Variants in RCOR3 observed in about 807,000 individuals in gnomAD.
RCOR3 encodes the protein REST corepressor 3.
A neutral mutation model predicts 64.1 loss-of-function variants in RCOR3; 13 were observed. The ratio of observed to expected loss-of-function variants is 0.20; its 90% confidence interval spans 0.13 to 0.32. The LOEUF (loss-of-function observed/expected upper bound fraction) is 0.32. Among genes scored for constraint, RCOR3 ranks in the 10% least tolerant of loss-of-function variants. The probability of loss-of-function intolerance (pLI) is 1.00; values close to 1 mark genes in which losing one functional copy is unlikely to be tolerated. For missense variants in RCOR3, 489 were observed against 701.2 expected (o/e 0.70, Z 3.42); for synonymous variants, 215 against 239.0 (o/e 0.90, Z 0.93).
chr1:211,285,892 T>C (rs6540676), intron 7 of RCOR3, among the ~76,000 whole-genome samples: 145,613 of 152,280 alleles, frequency 0.96, 69,685 homozygotes, highest in East Asian at 1. Flanking sequence ...TGTTTTATCT[T>C]GCTGCTGAAT....
At chr1:211,291,878 G>A (rs1320982092) in intron 8 of RCOR3, among the ~76,000 whole-genome samples, 1 of 152,084 alleles carries the variant, frequency 6.6e-6, no homozygotes, top group Non-Finnish European at 1.5e-5. Flanking sequence ...CAACACTTTG[G>A]GAGGCCAAGA....
chr1:211,295,605 C>T (rs1008006166), intron 8 of RCOR3, 71 bp from the exon 9 acceptor site: 1 of 1,240,976 alleles, frequency 8.1e-7, no homozygotes, highest in Non-Finnish European at 1.2e-6. Flanking sequence ...ATATTCTTTT[C>T]ACTTAATTGA....
intron 2 of RCOR3, among the ~76,000 whole-genome samples, chr1:211,267,490 T>A (rs1264109755): frequency 4.6e-5 from 7 of 152,240 alleles, no homozygotes; most frequent in Non-Finnish European, 1.0e-4. Context: ...CTCCTCTATC[T>A]ACCTGCTCAC....
chr1:211,286,425 A>G (rs1698546317), intron 7 of RCOR3, among the ~76,000 whole-genome samples: 1 of 151,478 alleles, frequency 6.6e-6, no homozygotes, highest in South Asian at 2.1e-4. Context: ...CTCCTGCCTC[A>G]GCCTCCTGAG....
rs777292881 is a variant in RCOR3, at chr1:211,312,911, A to G, written c.1267A>G (p.Lys423Glu). The G allele has an allele frequency of 6.2e-7, 1 of 1,614,218 alleles. No homozygotes were observed. The highest frequency in any genetic ancestry group is 1.1e-5 in the South Asian group (1 of 91,086). Residue 423 changes from lysine (K) to glutamate (E), a missense_variant, in exon 11 of 12, where the codon AAA (lysine) becomes GAA (glutamate). By Grantham distance (56) the Lys-to-Glu change is moderately conservative. Coordinates refer to ENST00000419091, the MANE Select transcript of RCOR3 (RefSeq NM_001136223.3). The surrounding 1 kb of genome is among the most constrained non-coding windows in gnomAD (Gnocchi z 5.0). ...GDASTLGEETKSASNVPSGKS... is the reference protein window; with the variant it reads ...GDASTLGEETESASNVPSGKS... ...TGCTTCTACTTTAGGGGAGGAGACA[A>G]AAAGTGCTTCTAATGTGCCATCAGG...
chr1:211,287,879 T>G (rs1374938977), intron 7 of RCOR3, among the ~76,000 whole-genome samples: 1 of 151,636 alleles, frequency 6.6e-6, no homozygotes, highest in Admixed American at 6.6e-5. Context: ...AATTTTTTTT[T>G]GTTAACGAAT....
chr1:211,287,462 A>C (rs1698686848), intron 7 of RCOR3, among the ~76,000 whole-genome samples: 1 of 152,178 alleles, frequency 6.6e-6, no homozygotes. Context: ...AGTGAATGTT[A>C]AAAGACTTTA....
At chr1:211,284,177 CTGAG>C (rs1396900733) in intron 7 of RCOR3, among the ~76,000 whole-genome samples, 14 of 151,936 alleles carry the variant, frequency 9.2e-5, no homozygotes, top group Admixed American at 9.2e-4. Context: ...CCTCAGCCTC[CTGAG>C]TAACTGGGAC....
chr1:211,308,901 TG>T (rs950367616), intron 10 of RCOR3, among the ~76,000 whole-genome samples: 7 of 151,586 alleles, frequency 4.6e-5, no homozygotes, highest in African/African-American at 1.7e-4. Context: ...TAGTAGAAAC[TG>T]GGTTTTACCA....
chr1:211,298,678 C>T (rs1036759239), intron 9 of RCOR3, among the ~76,000 whole-genome samples: 1 of 152,058 alleles, frequency 6.6e-6, no homozygotes, highest in Non-Finnish European at 1.5e-5. Flanking sequence ...TGATAGACAT[C>T]AGTGGGCAGG....
At chr1:211,281,520 A>G (rs1697806058) in intron 7 of RCOR3, among the ~76,000 whole-genome samples, 1 of 152,126 alleles carries the variant, frequency 6.6e-6, no homozygotes, top group African/African-American at 2.4e-5. Context: ...AATCCTTTGT[A>G]AAGTTGCTGA....
chr1:211,284,095 C>T (rs1032633435), intron 7 of RCOR3, among the ~76,000 whole-genome samples: 1 of 151,422 alleles, frequency 6.6e-6, no homozygotes, highest in African/African-American at 2.4e-5. Context: ...GCTCTGTCGC[C>T]CAGGCTGGAG....
intron 7 of RCOR3, among the ~76,000 whole-genome samples, chr1:211,283,725 C>T (rs1441133995): frequency 6.6e-6 from 1 of 151,816 alleles, no homozygotes; most frequent in Non-Finnish European, 1.5e-5. Flanking sequence ...GCCACTGCAG[C>T]CTCAAACTTC....
intron 5 of RCOR3, 85 bp from the exon 6 acceptor site, chr1:211,278,032 C>T (rs759103462): frequency 2.1e-5 from 26 of 1,241,950 alleles, no homozygotes; most frequent in Middle Eastern, 2.0e-4. Context: ...TTTATTATGC[C>T]TTTACTAAAT....
chr1:211,307,209 C>G (rs575673410), intron 10 of RCOR3, among the ~76,000 whole-genome samples: 314 of 152,192 alleles, frequency 2.1e-3, no homozygotes, highest in Admixed American at 4.3e-3. Flanking sequence ...TTTAAAGGGG[C>G]TGGGTGTGGT....
At chr1:211,277,192 C>T in intron 5 of RCOR3, among the ~76,000 whole-genome samples, 1 of 149,530 alleles carries the variant, frequency 6.7e-6, no homozygotes, top group East Asian at 1.9e-4. Context: ...TGGAGAGAAA[C>T]TGCTCTGTAT....
At chr1:211,282,647 C>T (rs1165423020) in intron 7 of RCOR3, among the ~76,000 whole-genome samples, 1 of 151,992 alleles carries the variant, frequency 6.6e-6, no homozygotes, top group East Asian at 1.9e-4. Context: ...TACAGGCATG[C>T]GTCACCATGC....
intron 7 of RCOR3, among the ~76,000 whole-genome samples, chr1:211,280,241 A>G (rs569019853): frequency 2.1e-4 from 32 of 152,294 alleles, no homozygotes; most frequent in African/African-American, 7.7e-4. Context: ...AACTTCATCC[A>G]TGTCACAGAG....
In RCOR3 at chr1:211,313,445, C is replaced by T. The variant is rs1300282413; in HGVS notation, c.1339C>T (p.Arg447Trp). The change falls in exon 12 of 12, where the codon CGG becomes TGG. Residue 447 changes from arginine (R) to tryptophan (W), a missense_variant. Transcript: ENST00000419091. This position sits in a 1 kb window ranked among gnomAD's most constrained non-coding sequence, Gnocchi z 4.7. ...EEEAQTPQAP[R>W]TLGPSPPAPS... ...CTAGGCACAGACCCCACAGGCTCCT[C>T]GGACACTGGGTCCATCACCTCCTGC... The T allele has an allele frequency of 6.2e-6, 10 of 1,613,712 alleles. No individual in the cohort carries two copies. Among genetic ancestry groups the T allele is most frequent in the East Asian group, 2.2e-5 (1 of 44,894 alleles).
Sources: gnomAD v4.1 joint callset for allele counts (sites outside exome capture counted in the v4.1 genomes callset) on GRCh38, gnomAD v4.1.1 for gene constraint, Gnocchi (gnomAD v3.1) non-coding constraint, MANE v1.5 for transcripts, NCBI Gene and HGNC (gene_info 2026-07-23, HGNC 2026-07-21) for gene names.